Variants in VEPH1 observed in about 807,000 individuals in gnomAD.
VEPH1 encodes the protein ventricular zone expressed PH domain containing 1.
A neutral mutation model predicts 85.2 loss-of-function variants in VEPH1; 80 were observed. The ratio of observed to expected loss-of-function variants is 0.94; its 90% confidence interval spans 0.78 to 1.13. VEPH1 has a LOEUF of 1.13. Among genes scored for constraint, VEPH1 ranks in the 50% most tolerant of loss-of-function variants. The pLI is 0.00. For missense variants in VEPH1, 955 were observed against 980.5 expected (o/e 0.97, Z 0.35); for synonymous variants, 297 against 348.0 (o/e 0.85, Z 1.63).
intron 1 of VEPH1, among the ~76,000 whole-genome samples, chr3:157,500,859 T>A (rs1740045105): frequency 1.3e-5 from 2 of 152,184 alleles, no homozygotes. Context: ...TGCCATTACC[T>A]GCAGTGTAAA....
chr3:157,304,038 T>TATATATATATATATACACAC lies in VEPH1; in HGVS notation c.2010+9582_2010+9583insGTGTGTATATATATATATAT. On this transcript the variant is annotated intron_variant, in intron 11 of 13. Transcript: ENST00000362010. ...CTTATATTTTTTATATATATATATA[T>TATATATATATATATACACAC]ACACACATACTGTTACATCTTATAT... Among the ~76,000 whole-genome samples, 43 of 96,888 alleles carry TATATATATATATATACACAC rather than the reference T, an allele frequency of 4.4e-4. 1 individual carries two copies. Among genetic ancestry groups the TATATATATATATATACACAC allele is most frequent in the East Asian group, 1.8e-3 (5 of 2,708 alleles). The allele number at this position is 96,888 out of a possible 152,430, so 63.6% of individuals were successfully genotyped here.
chr3:157,326,057 T>G lies in VEPH1; in HGVS notation c.1736-8856A>C, dbSNP rs1420892227. Among the ~76,000 whole-genome samples the G allele has an allele frequency of 2.0e-5, 3 of 152,178 alleles. No individual in the cohort carries two copies. The East Asian group carries it at 5.8e-4, about 29-fold the overall frequency. ...TGAAGAGGTCCTTCACTTCCCTTGC[T>G]AGCTGTATTCCTAGGTATTTTATTC... On this transcript the variant is annotated intron_variant, in intron 9 of 13. Coordinates refer to ENST00000362010, the MANE Select transcript of VEPH1 (RefSeq NM_001167912.2).
intron 7 of VEPH1, among the ~76,000 whole-genome samples, chr3:157,369,180 G>GGAAAAAAA (rs1553773035): frequency 2.3e-5 from 1 of 42,786 alleles, no homozygotes; most frequent in African/African-American, 8.4e-5. Context: ...AAAACCAAAT[G>GGAAAAAAA]AAAAAAAAAA....
In VEPH1 at chr3:157,260,857, C is replaced by T; in HGVS notation, c.*277G>A. On this transcript the variant is annotated 3_prime_UTR_variant, in exon 14 of 14. Transcript: ENST00000362010. ...TCTTTTATCAGTGACTTTTCCCTTC[C>T]TGGCCCCACACTATCTGAGGGCATA... The T allele has an allele frequency of 6.0e-6, 2 of 334,552 alleles. No homozygotes were observed. The highest frequency in any genetic ancestry group is 5.0e-5 in the South Asian group (1 of 19,862). The allele number at this position is 334,552 out of a possible 1,614,324, so 20.7% of individuals were successfully genotyped here.
Position 157,265,535 on chromosome 3 carries a change from T to G in VEPH1, c.2256A>C (p.Lys752Asn). 1 of 1,612,478 alleles carries G rather than the reference T, an allele frequency of 6.2e-7. No individual in the cohort carries two copies. Among genetic ancestry groups the G allele is most frequent in the Non-Finnish European group, 8.5e-7 (1 of 1,178,998 alleles). Residue 752 changes from lysine to asparagine, a missense_variant, in exon 13 of 14, where the codon AAA (lysine) becomes AAC (asparagine). Transcript: ENST00000362010. ...TGATGGAGGAACTTACAGACTTTCC[T>G]TTTTGAAACAGAAGTTGATTTCCAG... Reference protein sequence around the residue: ...TLAGNQLLFQKGKSKDDPDDC... With the variant: ...TLAGNQLLFQNGKSKDDPDDC...
intron 11 of VEPH1, among the ~76,000 whole-genome samples, chr3:157,311,964 C>T (rs1720159254): frequency 6.6e-6 from 1 of 152,088 alleles, no homozygotes; most frequent in African/African-American, 2.4e-5. Flanking sequence ...GTGATGCAAT[C>T]GTTTCATATG....
At chr3:157,461,086 AAAAT>A (rs896996518) in intron 3 of VEPH1, among the ~76,000 whole-genome samples, 37 of 152,324 alleles carry the variant, frequency 2.4e-4, no homozygotes, top group Admixed American at 2.4e-3. Context: ...CAGAGGAAAA[AAAAT>A]AAATGAATGT....
In VEPH1 at chr3:157,271,029, G is replaced by T. The variant is rs1281180236; in HGVS notation, c.2129-5367C>A. On this transcript the variant is annotated intron_variant, in intron 12 of 13. Transcript: ENST00000362010. ...AGAGTGGTAGCAAGGTAGGTGTGTG[G>T]GGGAAAACACACAAAAGAACCTGAA... 2.6e-5 allele frequency among the ~76,000 whole-genome samples: 4 copies of T among 152,190 alleles called. No homozygotes were observed. In the South Asian group the frequency reaches 6.2e-4, roughly 24 times the overall value.
At chr3:157,488,746 T>C (rs900956736) in intron 2 of VEPH1, among the ~76,000 whole-genome samples, 1 of 152,040 alleles carries the variant, frequency 6.6e-6, no homozygotes, top group Non-Finnish European at 1.5e-5. Flanking sequence ...CACTCAGAAT[T>C]CTGACAGCTC....
chr3:157,424,269 C>A lies in VEPH1; in HGVS notation c.696+4053G>T, dbSNP rs150276944. On this transcript the variant is annotated intron_variant, in intron 5 of 13. Transcript: ENST00000362010. ...GTGCCTTTTGCCTCCTGCCATGATT[C>A]TGAGGCCTCCCTAGCCATGTGGAAC... 1.6e-3 allele frequency among the ~76,000 whole-genome samples: 243 copies of A among 152,316 alleles called. 5 individuals carry two copies. The East Asian group carries it at 0.024, about 15-fold the overall frequency.
At chr3:157,366,954 C>T (rs1015373317) in intron 7 of VEPH1, among the ~76,000 whole-genome samples, 1 of 152,028 alleles carries the variant, frequency 6.6e-6, no homozygotes. Flanking sequence ...GCAGTCCTGG[C>T]GTTGAGGGAG....
chr3:157,284,237 A>G lies in VEPH1; in HGVS notation c.2128+2320T>C, dbSNP rs554893764. Among the ~76,000 whole-genome samples, 4 of 152,348 alleles carry G rather than the reference A, an allele frequency of 2.6e-5. No individual in the cohort carries two copies. In the South Asian group the frequency reaches 8.3e-4, roughly 32 times the overall value. On this transcript the variant is annotated intron_variant, in intron 12 of 13. Coordinates refer to ENST00000362010, the MANE Select transcript of VEPH1 (RefSeq NM_001167912.2). Reference sequence around the variant, plus strand: ...ATTCATTCATTCATTCACTCACTCAACAAATATAGCATGCTAAAAACATAA... The same window carrying G: ...ATTCATTCATTCATTCACTCACTCAGCAAATATAGCATGCTAAAAACATAA...
chr3:157,266,327 T>C (rs1559908505), intron 12 of VEPH1, among the ~76,000 whole-genome samples: 1 of 151,986 alleles, frequency 6.6e-6, no homozygotes, highest in Non-Finnish European at 1.5e-5. Flanking sequence ...TGTATTCCCA[T>C]CTTCACCTAG....
rs760421498 is a variant in VEPH1, at chr3:157,317,204, A to G, written c.1736-3T>C. The G allele has an allele frequency of 1.2e-6, 2 of 1,610,248 alleles. No homozygotes were observed. The highest frequency in any genetic ancestry group is 2.2e-5 in the East Asian group (1 of 44,732). On this transcript the variant is annotated splice_region_variant and splice_polypyrimidine_tract_variant and intron_variant, in intron 9 of 13. Transcript: ENST00000362010. Reference sequence around the variant, plus strand: ...TGCTACACAACTTCTCACAGTGTCTAGAAACAAATACATATAGCGTTAAAC... The same window carrying G: ...TGCTACACAACTTCTCACAGTGTCTGGAAACAAATACATATAGCGTTAAAC...
At chr3:157,486,822 C>T (rs1738702810) in intron 2 of VEPH1, among the ~76,000 whole-genome samples, 1 of 152,042 alleles carries the variant, frequency 6.6e-6, no homozygotes, top group Admixed American at 6.6e-5. Flanking sequence ...ATAACTGATA[C>T]CATGCAGTTC....
intron 4 of VEPH1, chr3:157,437,126 A>C (rs1733659741): frequency 6.3e-7 from 1 of 1,578,902 alleles, no homozygotes; most frequent in African/African-American, 1.3e-5. Flanking sequence ...TGGTCTAAAT[A>C]ACACACATAT....
intron 2 of VEPH1, 103 bp from the exon 3 acceptor site, chr3:157,470,632 G>C: frequency 2.8e-6 from 3 of 1,075,926 alleles, no homozygotes; most frequent in Non-Finnish European, 4.2e-6. Context: ...GCACCAGGCT[G>C]TGTGCTAAGG....
chr3:157,272,917 G>T (rs140388384), intron 12 of VEPH1, among the ~76,000 whole-genome samples: 21 of 152,264 alleles, frequency 1.4e-4, no homozygotes, highest in African/African-American at 5.1e-4. Context: ...TGACAGATCT[G>T]CTTTTGACTA....
Position 157,414,028 on chromosome 3 carries a change from G to T in VEPH1, c.759C>A (p.Ile253=). Residue 253 remains isoleucine (I), a synonymous_variant, in exon 6 of 14, where the codon ATC becomes ATA. Coordinates refer to ENST00000362010, the MANE Select transcript of VEPH1 (RefSeq NM_001167912.2). ...GHLKDSTHND[I]ILNILIEIAV... ...CTATCTCTATGAGGATGTTTAGGAT[G>T]ATGTCATTATGGGTTGAATCCTTCA... 3.1e-6 allele frequency: 5 copies of T among 1,613,442 alleles called. No individual in the cohort carries two copies. Among genetic ancestry groups the T allele is most frequent in the Non-Finnish European group, 4.2e-6 (5 of 1,179,664 alleles).
Sources: allele counts gnomAD v4.1 joint callset (sites outside exome capture counted in the v4.1 genomes callset), GRCh38; gene constraint gnomAD v4.1.1; transcripts MANE v1.5; gene names NCBI Gene and HGNC (gene_info 2026-07-23, HGNC 2026-07-21).